GULP1: variants seen among roughly 807,000 people sequenced by gnomAD.
GULP1 encodes PTB domain-containing engulfment adapter protein 1.
Under a neutral mutation model 40.9 loss-of-function variants are expected in GULP1, and 19 were observed. The ratio of observed to expected loss-of-function variants is 0.46; its 90% CI spans 0.32 to 0.68. The LOEUF (loss-of-function observed/expected upper bound fraction) is 0.68. GULP1 is among the 30% of genes least tolerant of loss of function. GULP1 has a pLI of 0.03. For synonymous variants in GULP1, 119 were observed against 117.6 expected (o/e 1.01, Z -0.08); for missense variants, 312 against 362.2 (o/e 0.86, Z 1.12).
At chr2:188,550,909 G>GTAT (rs1005556304) in intron 7 of GULP1, among the ~76,000 whole-genome samples, 2 of 151,372 alleles carry the variant, frequency 1.3e-5, no homozygotes, top group African/African-American at 4.8e-5. Flanking sequence ...TTGTTGCTGA[G>GTAT]TATTTCCTGC....
At chr2:188,528,241 C>CTA (rs1475836185) in intron 5 of GULP1, among the ~76,000 whole-genome samples, 4 of 151,874 alleles carry the variant, frequency 2.6e-5, no homozygotes, top group African/African-American at 9.7e-5. Context: ...ATACTAAATA[C>CTA]TATATATATG....
At chr2:188,564,630 G>T (rs181550157) in intron 7 of GULP1, among the ~76,000 whole-genome samples, 2 of 151,908 alleles carry the variant, frequency 1.3e-5, no homozygotes, top group East Asian at 3.9e-4. Context: ...TTTAATTGTG[G>T]TTAATTCTAC....
intron 1 of GULP1, among the ~76,000 whole-genome samples, chr2:188,337,866 G>A (rs2042472762): frequency 6.6e-6 from 1 of 151,944 alleles, no homozygotes; most frequent in Non-Finnish European, 1.5e-5. Context: ...AGAACTCTGT[G>A]CCAAAGCCTT....
chr2:188,503,054 G>A (rs966812408), intron 4 of GULP1, among the ~76,000 whole-genome samples: 1 of 151,820 alleles, frequency 6.6e-6, no homozygotes, highest in Admixed American at 6.6e-5. Context: ...TTTCCTAAAG[G>A]TCTCACGTTT....
chr2:188,549,560 C>T (rs1234608614), intron 7 of GULP1, among the ~76,000 whole-genome samples: 2 of 151,768 alleles, frequency 1.3e-5, no homozygotes, highest in African/African-American at 4.8e-5. Flanking sequence ...AATGGTATGG[C>T]CATTCAGGAA....
chr2:188,450,814 G>A (rs1393127940), intron 2 of GULP1, among the ~76,000 whole-genome samples: 1 of 152,136 alleles, frequency 6.6e-6, no homozygotes, highest in Non-Finnish European at 1.5e-5. Context: ...AGAAGCAAGA[G>A]TAGGATTACT....
intron 1 of GULP1, among the ~76,000 whole-genome samples, chr2:188,353,825 C>T (rs904473986): frequency 2.0e-4 from 30 of 151,824 alleles, no homozygotes; most frequent in African/African-American, 7.3e-4. Context: ...ATACCAAACC[C>T]CTCCTACCCC....
chr2:188,473,697 A>T (rs951386452), intron 2 of GULP1, among the ~76,000 whole-genome samples: 1 of 152,140 alleles, frequency 6.6e-6, no homozygotes. Context: ...GGCCAAGGAC[A>T]GGTCCAGAAA....
At chr2:188,371,054 T>TAATTCTGAATTAGATTAGAACC (rs2047539809) in intron 1 of GULP1, among the ~76,000 whole-genome samples, 4 of 152,298 alleles carry the variant, frequency 2.6e-5, no homozygotes, top group African/African-American at 7.2e-5. Flanking sequence ...AATTCAGACA[T>TAATTCTGAATTAGATTAGAACC]ACAGTAAGTC....
At chr2:188,464,446 G>A (rs1398974799) in intron 2 of GULP1, among the ~76,000 whole-genome samples, 1 of 152,142 alleles carries the variant, frequency 6.6e-6, no homozygotes, top group Non-Finnish European at 1.5e-5. Flanking sequence ...CTTGCACTGG[G>A]TCAGACCTGA....
intron 7 of GULP1, among the ~76,000 whole-genome samples, chr2:188,565,865 A>G (rs1042171164): frequency 6.6e-6 from 1 of 152,146 alleles, no homozygotes; most frequent in African/African-American, 2.4e-5. Flanking sequence ...TGTGTTATTG[A>G]TAAGTACAAC....
intron 2 of GULP1, among the ~76,000 whole-genome samples, chr2:188,396,063 T>TGA (rs2051205863): frequency 6.6e-6 from 1 of 152,200 alleles, no homozygotes; most frequent in South Asian, 2.1e-4. Context: ...GCTGTGTTAT[T>TGA]CTGCCTGCAG....
At chr2:188,403,148 T>C (rs1211172864) in intron 2 of GULP1, among the ~76,000 whole-genome samples, 1 of 152,164 alleles carries the variant, frequency 6.6e-6, no homozygotes, top group African/African-American at 2.4e-5. Context: ...GCTAGACATA[T>C]TACATATTTA....
chr2:188,404,484 G>A (rs759882719), intron 2 of GULP1, among the ~76,000 whole-genome samples: 3 of 152,010 alleles, frequency 2.0e-5, no homozygotes, highest in Non-Finnish European at 2.9e-5. Flanking sequence ...GTTTTGCCTC[G>A]GATCTGAACA....
rs550394654 is a variant in GULP1, at chr2:188,559,598, T to G, written c.400-9641T>G. Among the ~76,000 whole-genome samples the G allele has an allele frequency of 1.3e-5, 2 of 152,326 alleles. 1 individual carries two copies. The highest frequency in any genetic ancestry group is 4.8e-5 in the African/African-American group (2 of 41,568). On this transcript the variant is annotated intron_variant, in intron 7 of 11. Coordinates refer to ENST00000409830, the MANE Select transcript of GULP1 (RefSeq NM_016315.4). ...GGCTCATAGGCAGAAGAGACTAGCC[T>G]TGTCTCAGATGAGACTTTGAACTGT...
At chr2:188,499,437 A>G (rs1294723341) in intron 4 of GULP1, among the ~76,000 whole-genome samples, 2 of 151,500 alleles carry the variant, frequency 1.3e-5, no homozygotes, top group Non-Finnish European at 3.0e-5. Context: ...TGAAAAACTC[A>G]TCTCCTGAAA....
intron 2 of GULP1, among the ~76,000 whole-genome samples, chr2:188,439,647 C>G (rs72911445): frequency 0.012 from 1,856 of 152,106 alleles, 16 homozygotes; most frequent in East Asian, 0.022. Context: ...AAATTGCTAT[C>G]AGTGGTAAGG....
Position 188,587,766 on chromosome 2 carries a change from A to G in GULP1, c.749-89A>G. The G allele has an allele frequency of 4.1e-6, 3 of 726,208 alleles. No homozygotes were observed. The East Asian group carries it at 7.6e-5, about 18-fold the overall frequency. 45.0% of individuals were successfully genotyped at this position (726,208 alleles called of 1,614,324 possible). On this transcript the variant is annotated intron_variant, in intron 10 of 11. Transcript: ENST00000409830. ...TAGTGGCTTATTTGATCATGTAAATATTCATTTATATAATCCTGCCTTTGA... is the reference window on the plus strand; with the variant it reads ...TAGTGGCTTATTTGATCATGTAAATGTTCATTTATATAATCCTGCCTTTGA...
chr2:188,561,861 C>T (rs1211832890), intron 7 of GULP1, among the ~76,000 whole-genome samples: 1 of 152,156 alleles, frequency 6.6e-6, no homozygotes, highest in Non-Finnish European at 1.5e-5. Flanking sequence ...GGTTGTACCT[C>T]AGCCCCCGCT....
Sources: gnomAD v4.1 joint callset for allele counts (sites outside exome capture counted in the v4.1 genomes callset) on GRCh38, gnomAD v4.1.1 for gene constraint, MANE v1.5 for transcripts, NCBI Gene and HGNC (gene_info 2026-07-23, HGNC 2026-07-21) for gene names.